Variants in MUC4 observed in about 807,000 individuals in gnomAD.
MUC4 encodes mucin 4, cell surface associated, also known as mucin-4.
MUC4 carries 202 observed loss-of-function variants against 257.9 expected under a neutral mutation model. The observed-to-expected ratio is 0.78, with a 90% CI of 0.70 to 0.88. MUC4 has a LOEUF of 0.88. Among genes scored for constraint, MUC4 ranks in the 40% least tolerant of loss-of-function variants. The pLI is 0.00. For synonymous variants in MUC4, 2,351 were observed against 2,757.1 expected, an observed-to-expected ratio of 0.85 and a Z score of 4.62; for missense variants, 5,976 against 6,513.7, an observed-to-expected ratio of 0.92 and a Z score of 2.84.
In MUC4 at chr3:195,789,972, G is replaced by T. The variant is rs1368987285; in HGVS notation, c.1608C>A (p.Val536=). The change falls in exon 2 of 25, where the codon GTC becomes GTA. Residue 536 remains valine, a synonymous_variant. Transcript: ENST00000463781. ...GCTCTCCTGGTTCCCCTATTGCTGA[G>T]ACCTTAGAGGGGACCCTTGGAATAG... ...AGTIPRVPSK[V]SAIGEPGEPT... is the part of the protein sequence containing the mutation. 6.2e-7 allele frequency: 1 copy of T among 1,613,822 alleles called. No homozygotes were observed. Among genetic ancestry groups the T allele is most frequent in the Non-Finnish European group, 8.5e-7 (1 of 1,179,864 alleles).
intron 23 of MUC4, 102 bp from the exon 24 acceptor site, chr3:195,749,166 A>C: frequency 7.0e-7 from 1 of 1,426,612 alleles, no homozygotes; most frequent in South Asian, 1.3e-5. Context: ...CCTGAGAAAT[A>C]ATTGGAGAAG....
chr3:195,779,639 G>C lies in MUC4; in HGVS notation c.11941C>G (p.His3981Asp), dbSNP rs202026273. Residue 3981 changes from histidine (H) to aspartate (D), a missense_variant, in exon 2 of 25, where the codon CAC (histidine) becomes GAC (aspartate). His to Asp is a moderately conservative substitution (Grantham distance 81). Coordinates refer to ENST00000463781, the MANE Select transcript of MUC4 (RefSeq NM_018406.7). ...VTSRSSASTG[H>D]ATPLPVTDTS... is the part of the protein sequence containing the mutation. Reference sequence around the variant, plus strand: ...TCGGTGACAGGAAGGGGGGTGGCGTGACCTGTGGATGCTGAGGAACGGCTG... The same window carrying C: ...TCGGTGACAGGAAGGGGGGTGGCGTCACCTGTGGATGCTGAGGAACGGCTG... The C allele has an allele frequency of 1.3e-3, 776 of 606,580 alleles. 30 individuals are homozygous for C. The highest frequency in any genetic ancestry group is 4.9e-3 in the East Asian group (45 of 9,126). 37.6% of individuals were successfully genotyped at this position (606,580 alleles called of 1,614,324 possible).
intron 16 of MUC4, 72 bp from the exon 17 acceptor site, chr3:195,759,333 C>A: frequency 1.9e-6 from 3 of 1,570,148 alleles, no homozygotes; most frequent in South Asian, 1.2e-5. Flanking sequence ...CTCTCTTTCT[C>A]AACTCTAATA....
At position 195,746,932 on chromosome 3, in the gene MUC4, CCTT is replaced by C. The variant is rs777894832; in HGVS notation, c.*241_*243del. The C allele has an allele frequency of 8.0e-5, 49 of 612,712 alleles. No homozygotes were observed. Among genetic ancestry groups the C allele is most frequent in the Non-Finnish European group, 1.3e-4 (44 of 349,644 alleles). 38.0% of individuals were successfully genotyped at this position (612,712 alleles called of 1,614,324 possible). ...CACGCGCGCGTGCACAGGCTAGTGT[CCTT>C]CTGTGGGTGTGTCTGCGTGAGGACC... On this transcript the variant is annotated 3_prime_UTR_variant, in exon 25 of 25. Transcript: ENST00000463781.
chr3:195,761,451 GC>G, intron 15 of MUC4, 32 bp downstream of exon 15: 5 of 1,547,698 alleles, frequency 3.2e-6, no homozygotes, highest in Non-Finnish European at 3.6e-6. Context: ...CCCCTCACCT[GC>G]CCCTCTGCCC....
intron 4 of MUC4, 86 bp downstream of exon 4, chr3:195,774,086 C>A (rs1253255196): frequency 1.4e-6 from 2 of 1,430,814 alleles, no homozygotes; most frequent in Non-Finnish European, 1.8e-6. Flanking sequence ...TGCTTCCATT[C>A]CCGCTTCCTC....
intron 10 of MUC4, among the ~76,000 whole-genome samples, chr3:195,764,453 G>A (rs996983178): frequency 1.3e-5 from 2 of 152,190 alleles, no homozygotes; most frequent in Non-Finnish European, 2.9e-5. Flanking sequence ...TGGGGCCACT[G>A]TGCAGCAGGG....
chr3:195,806,768 T>A (rs2149079836), intron 1 of MUC4, among the ~76,000 whole-genome samples: 1 of 152,268 alleles, frequency 6.6e-6, no homozygotes, highest in Non-Finnish European at 1.5e-5. Context: ...CACTTATGGG[T>A]TCTATGATCT....
At chr3:195,775,841 A>G (rs377681111) in intron 3 of MUC4, among the ~76,000 whole-genome samples, 118 of 77,430 alleles carry the variant, frequency 1.5e-3, no homozygotes, top group Non-Finnish European at 2.3e-3. Flanking sequence ...CATACCTTCC[A>G]CACCCATACC....
chr3:195,762,904 C>T lies in MUC4; in HGVS notation c.14295G>A (p.Leu4765=). 1 of 1,574,748 alleles carries T rather than the reference C, an allele frequency of 6.4e-7. No individual in the cohort carries two copies. Among genetic ancestry groups the T allele is most frequent in the Middle Eastern group, 1.7e-4 (1 of 6,024 alleles). Residue 4765 remains leucine, a synonymous_variant, in exon 13 of 25, where the codon CTG becomes CTA. Coordinates refer to ENST00000463781, the MANE Select transcript of MUC4 (RefSeq NM_018406.7). ...GAAATGTCACAGTCTGGTTATCCAGCAGGACACGGATTGCGTCGTGAGGCT... is the reference window on the plus strand; with the variant it reads ...GAAATGTCACAGTCTGGTTATCCAGTAGGACACGGATTGCGTCGTGAGGCT... ...LLEPHDAIRV[L]LDNQTVTFQP... is the part of the protein sequence containing the mutation.
intron 1 of MUC4, 25 bp from the exon 2 acceptor site, chr3:195,791,522 C>T: frequency 6.7e-7 from 1 of 1,487,160 alleles, no homozygotes. Context: ...AATAGGCAAG[C>T]AGAGAGCTAA....
chr3:195,751,820 C>T (rs113290590), intron 21 of MUC4: 2,541 of 195,182 alleles, frequency 0.013, 71 homozygotes, highest in African/African-American at 0.056. Context: ...ATGCTTGACA[C>T]GCGTTATCAT....
Position 195,764,164 on chromosome 3 carries a change from G to T in MUC4, c.13925C>A (p.Ala4642Asp). 1 of 1,564,138 alleles carries T rather than the reference G, an allele frequency of 6.4e-7. No individual in the cohort carries two copies. Among genetic ancestry groups the T allele is most frequent in the Non-Finnish European group, 8.7e-7 (1 of 1,154,584 alleles). ...CCAGCTCTGTGGCTCCAGTTCCTGGGCTGCGGAGAACAGCAGTGAGTCGGG... is the reference window on the plus strand; with the variant it reads ...CCAGCTCTGTGGCTCCAGTTCCTGGTCTGCGGAGAACAGCAGTGAGTCGGG... ...GWHVQRPWQL[A>D]QELEPQSWCC... The change falls in exon 11 of 25, where the codon GCC (alanine) becomes GAC (aspartate). Residue 4642 changes from alanine to aspartate, a missense_variant and splice_region_variant. Coordinates refer to ENST00000463781, the MANE Select transcript of MUC4 (RefSeq NM_018406.7).
In MUC4 at chr3:195,786,522, A is replaced by C; in HGVS notation, c.5058T>G (p.Leu1686=). 1 of 1,523,944 alleles carries C rather than the reference A, an allele frequency of 6.6e-7. No homozygotes were observed. Among genetic ancestry groups the C allele is most frequent in the Non-Finnish European group, 8.9e-7 (1 of 1,129,708 alleles). The allele number at this position is 1,523,944 out of a possible 1,614,324, so 94.4% of individuals were successfully genotyped here. Residue 1686 remains leucine, a synonymous_variant, in exon 2 of 25, where the codon CTT becomes CTG. Transcript: ENST00000463781. The part of the protein sequence containing the change: ...GHATPLPVTG[L]SSATTDDTTR... ...TGGTGTCATCTGTGGTAGCTGAGGA[A>C]AGGCCGGTGACAGGAAGAGGGGTGG...
chr3:195,767,835 C>CCACCACCACCGCCACCAT (rs1721727542), intron 7 of MUC4, among the ~76,000 whole-genome samples: 1 of 114,772 alleles, frequency 8.7e-6, no homozygotes, highest in Non-Finnish European at 2.0e-5. Context: ...ACCACCATCA[C>CCACCACCACCGCCACCAT]CACCACCACC....
rs545690911 is a variant in MUC4 at position 195,800,281 on chromosome 3, A to AC, written c.83-8785_83-8784insG. Among the ~76,000 whole-genome samples, 242 of 152,180 alleles carry AC rather than the reference A, an allele frequency of 1.6e-3. 2 individuals carry two copies. In the South Asian group the frequency reaches 0.026, roughly 16 times the overall value. Reference sequence around the variant, plus strand: ...CGACAGAGCGGGACTCCATCTCAAAAAAAAAAAAAATTCTTGCTAAACAGG... The same window carrying AC: ...CGACAGAGCGGGACTCCATCTCAAAACAAAAAAAAAATTCTTGCTAAACAGG... On this transcript the variant is annotated intron_variant, in intron 1 of 24. Coordinates refer to ENST00000463781, the MANE Select transcript of MUC4 (RefSeq NM_018406.7).
In MUC4 at chr3:195,770,755, G is replaced by A. The variant is rs116817046; in HGVS notation, c.13243-384C>T. On this transcript the variant is annotated intron_variant, in intron 5 of 24. Coordinates refer to ENST00000463781, the MANE Select transcript of MUC4 (RefSeq NM_018406.7). ...TTGGAGCCTCCACACTGCCCTGTCC[G>A]TGGCAGGGGCACGGTCCACACTTCC... 1,582 of 432,420 alleles carry A rather than the reference G, an allele frequency of 3.7e-3. 18 individuals are homozygous for A. Among genetic ancestry groups the A allele is most frequent in the African/African-American group, 0.028 (1,413 of 50,476 alleles). The allele number at this position is 432,420 out of a possible 1,614,324, so 26.8% of individuals were successfully genotyped here. A position where few individuals can be genotyped will look rare whatever the true frequency, so the allele number is the denominator to read the frequency against.
chr3:195,785,734 T>C lies in MUC4; in HGVS notation c.5846A>G (p.His1949Arg), dbSNP rs866599414. The C allele has an allele frequency of 1.3e-5, 19 of 1,490,338 alleles. No homozygotes were observed. Among genetic ancestry groups the C allele is most frequent in the South Asian group, 6.1e-5 (5 of 81,604 alleles). 92.3% of individuals were successfully genotyped at this position (1,490,338 alleles called of 1,614,324 possible). A position where few individuals can be genotyped will look rare whatever the true frequency, so the allele number is the denominator to read the frequency against. The part of the protein sequence containing the change: ...VTSPSSASSG[H>R]TTPLPVTDAS... ...GTCGGTGACAGGAAGAGGGGTGGTG[T>C]GACCTGAGGATGCTGAGGAAGGGCT... Residue 1949 changes from histidine (H) to arginine (R), a missense_variant, in exon 2 of 25, where the codon CAC becomes CGC. Physicochemically the swap from His to Arg is conservative, Grantham distance 29. Transcript: ENST00000463781.
chr3:195,756,723 C>T (rs773382867), intron 18 of MUC4, among the ~76,000 whole-genome samples: 2 of 150,400 alleles, frequency 1.3e-5, no homozygotes, highest in African/African-American at 2.5e-5. Flanking sequence ...AGTACAATGG[C>T]GCAATCTTGG....
Sources: gnomAD v4.1 joint callset for allele counts (sites outside exome capture counted in the v4.1 genomes callset) on GRCh38, gnomAD v4.1.1 for gene constraint, MANE v1.5 for transcripts, NCBI Gene and HGNC (gene_info 2026-07-23, HGNC 2026-07-21) for gene names.